Variants in GDPD2 observed in about 807,000 individuals in gnomAD.
GDPD2 encodes the protein glycerophosphodiester phosphodiesterase 3.
Under a neutral mutation model 49.2 loss-of-function variants are expected in GDPD2, and 23 were observed. The ratio of observed to expected loss-of-function variants is 0.47; its 90% CI spans 0.34 to 0.66. GDPD2 has a LOEUF of 0.66. Among genes scored for constraint, GDPD2 ranks in the 30% least tolerant of loss-of-function variants. GDPD2 has a pLI of 0.01. For synonymous variants in GDPD2, 167 were observed against 171.4 expected (o/e 0.97, Z 0.20); for missense variants, 338 against 424.7 (o/e 0.80, Z 1.79).
At chrX:70,427,539 C>T in intron 10 of GDPD2, 76 bp downstream of exon 10, 1 of 884,550 alleles carries the variant, frequency 1.1e-6, no homozygotes, top group Non-Finnish European at 1.6e-6. Flanking sequence ...TGTTGATAAG[C>T]ATTTGCTCAG....
intron 12 of GDPD2, among the ~76,000 whole-genome samples, chrX:70,430,619 C>T (rs1048548034): frequency 2.7e-5 from 3 of 111,128 alleles, no homozygotes; most frequent in African/African-American, 9.8e-5. Flanking sequence ...GGTAAGAGAG[C>T]GTGAATCAGG....
At chrX:70,432,699 T>G (rs200715783) in intron 14 of GDPD2, 38 bp downstream of exon 14, 1 of 1,004,424 alleles carries the variant, frequency 1.0e-6, no homozygotes, top group Admixed American at 2.2e-5. Context: ...GGTCCTTACT[T>G]TCTCCAGGGC....
At chrX:70,425,541 T>G in intron 3 of GDPD2, 84 bp downstream of exon 3, 1 of 654,596 alleles carries the variant, frequency 1.5e-6, no homozygotes, top group Non-Finnish European at 2.6e-6. Context: ...CCACTGTCAG[T>G]CATCCCCCAG....
In GDPD2 at chrX:70,429,633, C is replaced by G. The variant is rs144985592; in HGVS notation, c.1077C>G (p.Pro359=). 1.7e-3 allele frequency: 2,016 copies of G among 1,207,856 alleles called. 12 individuals are homozygous for G. The highest frequency in any genetic ancestry group is 4.9e-4 in the Non-Finnish European group (437 of 893,795). The part of the protein sequence containing the change: ...NLSIMFDLRR[P]PQNHTYYDTF... ...CCATCATGTTCGACTTGCGCCGACC[C>G]CCACAGAACCACACATACTATGACA... The change falls in exon 11 of 16, where the codon CCC becomes CCG. Residue 359 remains proline (P), a synonymous_variant. Transcript: ENST00000374382.
chrX:70,430,088 A>AG (rs1331073244), intron 12 of GDPD2, 25 bp downstream of exon 12: 19 of 1,169,164 alleles, frequency 1.6e-5, no homozygotes, highest in Non-Finnish European at 2.2e-5. Flanking sequence ...AAAGGAACCA[A>AG]GGGGATCACA....
At chrX:70,425,597 T>A in intron 3 of GDPD2, 140 bp downstream of exon 3, 2 of 552,604 alleles carry the variant, frequency 3.6e-6, no homozygotes, top group Non-Finnish European at 6.5e-6. Context: ...CCCAATCTCC[T>A]TAGAAAATCC....
chrX:70,426,121 G>A lies in GDPD2; in HGVS notation c.363+10G>A. 9 of 1,178,131 alleles carry A rather than the reference G, an allele frequency of 7.6e-6. No individual in the cohort carries two copies. The highest frequency in any genetic ancestry group is 1.0e-5 in the Non-Finnish European group (9 of 864,584). ...GCACAGCCTCCACAAGGTACAGTAG[G>A]GATGGGAGTGCATGGGAGAGGGGGC... On this transcript the variant is annotated intron_variant, in intron 5 of 15. Transcript: ENST00000374382.
chrX:70,428,532 C>A (rs1279543640), intron 10 of GDPD2, among the ~76,000 whole-genome samples: 1 of 112,359 alleles, frequency 8.9e-6, no homozygotes, highest in Non-Finnish European at 1.9e-5. Flanking sequence ...CAGACAGAAT[C>A]ATTACACAGA....
chrX:70,431,213 T>C, intron 12 of GDPD2: 1 of 670,630 alleles, frequency 1.5e-6, no homozygotes, highest in African/African-American at 2.1e-5. Context: ...CTGGTCAATA[T>C]CAGCTGCTAA....
At chrX:70,427,774 A>G (rs945650666) in intron 10 of GDPD2, 16 of 190,742 alleles carry the variant, frequency 8.4e-5, no homozygotes, top group Non-Finnish European at 1.3e-4. Context: ...CGTAAAGCCC[A>G]GAAGTCTGAA....
chrX:70,432,247 C>G, intron 12 of GDPD2, 60 bp from the exon 13 acceptor site: 1 of 1,049,169 alleles, frequency 9.5e-7, no homozygotes, highest in Non-Finnish European at 1.3e-6. Flanking sequence ...AGGGGGCTGC[C>G]TCCCATGTCC....
Position 70,432,935 on chromosome X carries a change from A to C in GDPD2, c.1562A>C (p.Lys521Thr). Residue 521 changes from lysine (K) to threonine (T), a missense_variant, in exon 15 of 16, where the codon AAA becomes ACA. Physicochemically the swap from Lys to Thr is moderately conservative, Grantham distance 78. Around this residue, in one of 3 missense-constraint regions of GDPD2, gnomAD observed 253 missense variants for 330.4 expected, o/e 0.77. Transcript: ENST00000374382. The part of the protein sequence containing the change: ...LQRRFVKKRG[K>T]TGLETAVLLT... ...AGAAGATTTGTTAAGAAGAGAGGGA[A>C]AACTGGTAAGAACTTTCTCCCCTCA... The C allele has an allele frequency of 8.4e-7, 1 of 1,193,163 alleles. No individual in the cohort carries two copies. The highest frequency in any genetic ancestry group is 1.1e-6 in the Non-Finnish European group (1 of 878,755).
rs1442223722 is a variant in GDPD2, at chrX:70,433,381, A to G, written c.*295A>G. 2.7e-6 allele frequency: 1 copy of G among 368,548 alleles called. No homozygotes were observed. The highest frequency in any genetic ancestry group is 4.7e-6 in the Non-Finnish European group (1 of 212,398). 30.4% of individuals were successfully genotyped at this position (368,548 alleles called of 1,213,427 possible). ...AGGAAGTAAAAGGGAGATTGCTCGG[A>G]TAATGTCTCAGACTTGTGTGCACGT... On this transcript the variant is annotated 3_prime_UTR_variant, in exon 16 of 16. Transcript: ENST00000374382.
Position 70,426,748 on chromosome X carries a change from A to G in GDPD2, c.556+7A>G. ...TACCGTATCCACCGAAGAGGTGCCA[A>G]CGCTGCTGCCCCACTCACCCTTGCT... On this transcript the variant is annotated splice_region_variant and intron_variant, in intron 7 of 15. Transcript: ENST00000374382. 8.4e-7 allele frequency: 1 copy of G among 1,189,918 alleles called. No individual in the cohort carries two copies. The highest frequency in any genetic ancestry group is 3.0e-5 in the East Asian group (1 of 33,718).
At chrX:70,425,659 C>G in intron 3 of GDPD2, 104 bp from the exon 4 acceptor site, 4 of 580,217 alleles carry the variant, frequency 6.9e-6, no homozygotes, top group Non-Finnish European at 1.2e-5. Context: ...GGGGCTTTCT[C>G]CTCACTCCCT....
intron 10 of GDPD2, among the ~76,000 whole-genome samples, chrX:70,429,114 T>C (rs1343816845): frequency 1.8e-5 from 2 of 111,410 alleles, no homozygotes; most frequent in Non-Finnish European, 3.8e-5. Flanking sequence ...GTAGGGCAAG[T>C]GGGACAGAAA....
chrX:70,425,342 GC>G lies in GDPD2; in HGVS notation c.106-8del, dbSNP rs766888548. On this transcript the variant is annotated splice_polypyrimidine_tract_variant and intron_variant, in intron 2 of 15. Transcript: ENST00000374382. ...GGTATTGGTTGTGAGTTTCTCTCCT[GC>G]CCCTTTGCAGTGCGACTGTATCTGG... 9 of 1,118,852 alleles carry G rather than the reference GC, an allele frequency of 8.0e-6. No individual in the cohort carries two copies. The highest frequency in any genetic ancestry group is 9.9e-6 in the Non-Finnish European group (8 of 810,281). The allele number at this position is 1,118,852 out of a possible 1,213,427, so 92.2% of individuals were successfully genotyped here.
intron 9 of GDPD2, 30 bp downstream of exon 9, chrX:70,427,249 G>C (rs1370289639): frequency 8.4e-7 from 1 of 1,196,121 alleles, no homozygotes; most frequent in Non-Finnish European, 1.1e-6. Context: ...AGGGGATCTG[G>C]GGGGCTGAAG....
At chrX:70,425,309 T>G (rs1444603980) in intron 2 of GDPD2, 45 bp from the exon 3 acceptor site, 2 of 924,454 alleles carry the variant, frequency 2.2e-6, no homozygotes, top group Non-Finnish European at 3.2e-6. Context: ...GACTCTGAGT[T>G]TGAAGTAGGT....
Sources: allele counts gnomAD v4.1 joint callset (sites outside exome capture counted in the v4.1 genomes callset), GRCh38; gene constraint gnomAD v4.1.1; regional missense constraint gnomAD v4.1.1; transcripts MANE v1.5; gene names NCBI Gene and HGNC (gene_info 2026-07-23, HGNC 2026-07-21).